FBXO4: variants seen among roughly 807,000 people sequenced by gnomAD.
FBXO4 encodes the protein F-box protein 4, also known as F-box only protein 4.
FBXO4 carries 36 observed loss-of-function variants against 43.7 expected under a neutral mutation model. The observed-to-expected ratio is 0.82, with a 90% CI of 0.63 to 1.09. The LOEUF (loss-of-function observed/expected upper bound fraction) is 1.09. FBXO4 is among the 50% of genes least tolerant of loss of function. The probability of loss-of-function intolerance (pLI) is 0.00; values close to 1 mark genes in which losing one functional copy is unlikely to be tolerated. For synonymous variants in FBXO4, 180 were observed against 165.6 expected (o/e 1.09, Z -0.67); for missense variants, 435 against 474.1 (o/e 0.92, Z 0.77).
chr5:42,021,740 G>A, the FBXO4 span, among the ~76,000 whole-genome samples: 2 of 152,098 alleles, frequency 1.3e-5, no homozygotes, highest in Non-Finnish European at 2.9e-5. Flanking sequence ...GTGGGATTGG[G>A]TAGGAGACTT....
chr5:41,985,554 T>C, the FBXO4 span, among the ~76,000 whole-genome samples: 1 of 152,124 alleles, frequency 6.6e-6, no homozygotes, highest in Non-Finnish European at 1.5e-5. Context: ...TCAGGTTTGG[T>C]GAGGTAGTAG....
the FBXO4 span, among the ~76,000 whole-genome samples, chr5:41,992,001 C>G: frequency 6.6e-6 from 1 of 152,210 alleles, no homozygotes; most frequent in Middle Eastern, 3.4e-3. Context: ...TCGCTTGAAC[C>G]CGGGAGGCAG....
intron 1 of FBXO4, among the ~76,000 whole-genome samples, 200 bp from the exon 2 acceptor site, chr5:41,926,813 C>T (rs1216966153): frequency 6.6e-6 from 1 of 152,162 alleles, no homozygotes; most frequent in Admixed American, 6.5e-5. Flanking sequence ...AAATGTTTAA[C>T]AACTACGAAA....
chr5:42,028,950 G>C, the FBXO4 span, among the ~76,000 whole-genome samples: 1 of 151,850 alleles, frequency 6.6e-6, no homozygotes, highest in African/African-American at 2.4e-5. Flanking sequence ...TCAATGTTCA[G>C]TCTTTATACA....
chr5:41,986,272 G>T, the FBXO4 span, among the ~76,000 whole-genome samples: 1 of 151,628 alleles, frequency 6.6e-6, no homozygotes, highest in African/African-American at 2.4e-5. Flanking sequence ...TTCCCTCTAG[G>T]CTCCACTGTT....
intron 5 of FBXO4, among the ~76,000 whole-genome samples, chr5:41,935,692 A>G (rs1751831217): frequency 6.6e-6 from 1 of 152,230 alleles, no homozygotes; most frequent in South Asian, 2.1e-4. Flanking sequence ...CACAGGGCCT[A>G]CCTAAGGCCT....
chr5:42,031,465 G>C, the FBXO4 span, among the ~76,000 whole-genome samples: 1 of 147,236 alleles, frequency 6.8e-6, no homozygotes, highest in African/African-American at 2.5e-5. Flanking sequence ...GTTGTGGAGT[G>C]GGGGGAGGGG....
chr5:42,031,197 T>G, the FBXO4 span, among the ~76,000 whole-genome samples: 1 of 152,126 alleles, frequency 6.6e-6, no homozygotes, highest in African/African-American at 2.4e-5. Context: ...AGCAAAGACT[T>G]GGAACCAACC....
the FBXO4 span, among the ~76,000 whole-genome samples, chr5:42,027,205 A>G: frequency 1.1e-4 from 16 of 151,976 alleles, no homozygotes; most frequent in Non-Finnish European, 1.5e-4. Flanking sequence ...AAGACTTTTT[A>G]TTACAGCTTT....
chr5:42,025,996 T>C, the FBXO4 span, among the ~76,000 whole-genome samples: 1 of 152,050 alleles, frequency 6.6e-6, no homozygotes, highest in Non-Finnish European at 1.5e-5. Context: ...TTTTGTTTTT[T>C]GCTTATGATA....
At chr5:42,011,430 C>T in the FBXO4 span, among the ~76,000 whole-genome samples, 1 of 152,208 alleles carries the variant, frequency 6.6e-6, no homozygotes, top group Non-Finnish European at 1.5e-5. Flanking sequence ...TGTGGCTGCT[C>T]ATCCGGGACT....
chr5:41,973,983 A>G, the FBXO4 span, among the ~76,000 whole-genome samples: 23 of 152,254 alleles, frequency 1.5e-4, 1 homozygote, highest in African/African-American at 5.1e-4. Flanking sequence ...TATTTGAAAG[A>G]TATTATTACT....
chr5:41,989,768 C>T, the FBXO4 span, among the ~76,000 whole-genome samples: 1 of 152,176 alleles, frequency 6.6e-6, no homozygotes, highest in Non-Finnish European at 1.5e-5. Flanking sequence ...CTATCATCTG[C>T]TCCTTATTCA....
At chr5:41,972,441 CAA>C in the FBXO4 span, among the ~76,000 whole-genome samples, 4 of 151,894 alleles carry the variant, frequency 2.6e-5, no homozygotes, top group African/African-American at 4.8e-5. Flanking sequence ...CTGAAAGAAA[CAA>C]GAGATAATAC....
At chr5:42,019,455 G>A in the FBXO4 span, among the ~76,000 whole-genome samples, 1 of 152,108 alleles carries the variant, frequency 6.6e-6, no homozygotes, top group African/African-American at 2.4e-5. Context: ...TTGGGAGTCC[G>A]AGGCGGGTGG....
At chr5:41,926,958 C>T (rs2112566250) in intron 1 of FBXO4, 55 bp from the exon 2 acceptor site, 23 of 1,123,510 alleles carry the variant, frequency 2.0e-5, no homozygotes, top group South Asian at 1.3e-4. Context: ...GGTTTATCAC[C>T]CAAAAACTAT....
chr5:41,965,640 T>C, the FBXO4 span, among the ~76,000 whole-genome samples: 1 of 152,176 alleles, frequency 6.6e-6, no homozygotes, highest in Non-Finnish European at 1.5e-5. Context: ...CCAGTTAGAA[T>C]GGCGATCATT....
the FBXO4 span, among the ~76,000 whole-genome samples, chr5:41,987,270 C>A: frequency 1.1e-3 from 173 of 152,166 alleles, no homozygotes; most frequent in African/African-American, 4.0e-3. Context: ...TAATATAATG[C>A]AACCATCTCT....
intron 5 of FBXO4, chr5:41,934,526 T>A (rs1751798240): frequency 5.1e-6 from 7 of 1,368,598 alleles, no homozygotes; most frequent in Non-Finnish European, 1.9e-6. Flanking sequence ...ATTCCTACCC[T>A]GGTGGATTTT....
Sources: gnomAD v4.1 joint callset for allele counts (sites outside exome capture counted in the v4.1 genomes callset) on GRCh38, gnomAD v4.1.1 for gene constraint, MANE v1.5 for transcripts, NCBI Gene and HGNC (gene_info 2026-07-23, HGNC 2026-07-21) for gene names.